The following TMBIM4 variants were observed in gnomAD, a reference collection of about 807,000 sequenced individuals.
TMBIM4 encodes the protein protein lifeguard 4.
Under a neutral mutation model 27.7 loss-of-function variants are expected in TMBIM4, and 28 were observed. The observed-to-expected ratio is 1.01, with a 90% CI of 0.75 to 1.38. The LOEUF (loss-of-function observed/expected upper bound fraction) is 1.38. Ranked by LOEUF, TMBIM4 falls within the 40% of genes most tolerant of loss-of-function variation. The pLI is 0.00. For missense variants in TMBIM4, 265 were observed against 277.5 expected (o/e 0.95, Z 0.32); for synonymous variants, 115 against 113.1 (o/e 1.02, Z -0.11).
rs368043170 is a variant in TMBIM4 at position 66,162,119 on chromosome 12, C to T, written c.97+7736G>A. ...TCTTCTCACTATAATGTATGGCATG[C>T]CATTCCCACCTTTCCATGCCTCATC... On this transcript the variant is annotated intron_variant, in intron 1 of 6. Coordinates refer to ENST00000358230, the MANE Select transcript of TMBIM4 (RefSeq NM_016056.4). 8.5e-5 allele frequency among the ~76,000 whole-genome samples: 13 copies of T among 152,118 alleles called. No individual in the cohort carries two copies. In the East Asian group the frequency reaches 1.2e-3, roughly 14 times the overall value.
chr12:66,163,279 T>C (rs1018258003), intron 1 of TMBIM4, among the ~76,000 whole-genome samples: 86 of 152,184 alleles, frequency 5.7e-4, no homozygotes, highest in Non-Finnish European at 1.5e-4. Flanking sequence ...TCCTATTTCT[T>C]GCAGTACTAG....
intron 3 of TMBIM4, among the ~76,000 whole-genome samples, chr12:66,149,426 CAGAG>C (rs1345340601): frequency 1.7e-5 from 2 of 116,780 alleles, no homozygotes; most frequent in Admixed American, 2.3e-4. Flanking sequence ...GCCTGGGTGA[CAGAG>C]AGAGACCCTG....
intron 1 of TMBIM4, among the ~76,000 whole-genome samples, chr12:66,154,399 C>T (rs1191495425): frequency 6.6e-6 from 1 of 152,202 alleles, no homozygotes; most frequent in African/African-American, 2.4e-5. Context: ...CATTTCCTTA[C>T]CCCCACCACT....
At chr12:66,138,685 A>C in intron 6 of TMBIM4, 39 bp downstream of exon 6, 1 of 1,471,136 alleles carries the variant, frequency 6.8e-7, no homozygotes, top group South Asian at 1.3e-5. Context: ...TGACACAGCC[A>C]GAATTATATT....
rs1007978677 is a variant in TMBIM4, at chr12:66,137,229, G to A, written c.*731C>T. ...CAAAAAGAGATTTACAGTTTATAAT[G>A]GTAAAGACTCTACTACTTCAGAATC... On this transcript the variant is annotated 3_prime_UTR_variant, in exon 7 of 7. Coordinates refer to ENST00000358230, the MANE Select transcript of TMBIM4 (RefSeq NM_016056.4). 3 of 151,758 alleles carry A rather than the reference G, an allele frequency of 2.0e-5. No individual in the cohort carries two copies. Among genetic ancestry groups the A allele is most frequent in the African/African-American group, 7.3e-5 (3 of 41,286 alleles). The allele number at this position is 151,758 out of a possible 1,614,324, so 9.4% of individuals were successfully genotyped here.
chr12:66,152,433 T>A, intron 2 of TMBIM4, 57 bp from the exon 3 acceptor site: 7 of 1,166,268 alleles, frequency 6.0e-6, no homozygotes, highest in Non-Finnish European at 8.5e-6. Context: ...TGAGCAGTAT[T>A]ATCAAATTTA....
chr12:66,168,589 C>T (rs2052175240), intron 1 of TMBIM4, among the ~76,000 whole-genome samples: 2 of 152,070 alleles, frequency 1.3e-5, no homozygotes, highest in South Asian at 4.1e-4. Context: ...GAGTTTCAGC[C>T]AAAGATGGCC....
At chr12:66,166,015 T>G (rs1247654938) in intron 1 of TMBIM4, among the ~76,000 whole-genome samples, 1 of 152,226 alleles carries the variant, frequency 6.6e-6, no homozygotes, top group Admixed American at 6.5e-5. Context: ...TCCTATGTTT[T>G]TATCTAAGAG....
intron 1 of TMBIM4, among the ~76,000 whole-genome samples, chr12:66,165,157 T>C (rs146154555): frequency 1.3e-5 from 2 of 152,164 alleles, no homozygotes; most frequent in Non-Finnish European, 2.9e-5. Context: ...GTAGATTTAA[T>C]GCAATCCCTA....
At position 66,138,170 on chromosome 12, in the gene TMBIM4, T is replaced by C. The variant is rs1323324184; in HGVS notation, c.511-4A>G. ...TTATCTCACTATAAAAAAAAAACTA[T>C]AGGGAAGAGATTAAAGAAATATGTT... On this transcript the variant is annotated splice_polypyrimidine_tract_variant and splice_region_variant and intron_variant, in intron 6 of 6. Transcript: ENST00000358230. 3 of 1,604,576 alleles carry C rather than the reference T, an allele frequency of 1.9e-6. No homozygotes were observed. The highest frequency in any genetic ancestry group is 1.3e-5 in the African/African-American group (1 of 74,116).
chr12:66,155,933 T>C (rs866435732), intron 1 of TMBIM4, among the ~76,000 whole-genome samples: 3 of 152,340 alleles, frequency 2.0e-5, no homozygotes, highest in Middle Eastern at 6.8e-3. Context: ...ATTTTTTAGA[T>C]ACCAGCAGTA....
intron 1 of TMBIM4, among the ~76,000 whole-genome samples, chr12:66,158,618 C>G (rs1049881110): frequency 2.0e-5 from 3 of 151,190 alleles, no homozygotes; most frequent in African/African-American, 7.3e-5. Context: ...TGCACTGCAG[C>G]CTGGTGACAG....
chr12:66,141,254 T>G (rs2051663650), intron 5 of TMBIM4, among the ~76,000 whole-genome samples: 1 of 152,100 alleles, frequency 6.6e-6, no homozygotes, highest in South Asian at 2.1e-4. Context: ...ATATAATTTT[T>G]AGTGCAAAAA....
chr12:66,164,271 G>GA lies in TMBIM4; in HGVS notation c.97+5583dup, dbSNP rs982763208. 3.3e-5 allele frequency among the ~76,000 whole-genome samples: 5 copies of GA among 152,098 alleles called. No individual in the cohort carries two copies. The South Asian group carries it at 6.2e-4, about 19-fold the overall frequency. On this transcript the variant is annotated intron_variant, in intron 1 of 6. Coordinates refer to ENST00000358230, the MANE Select transcript of TMBIM4 (RefSeq NM_016056.4). ...AGAGGCTGGCAAATCCATTTTCTTA[G>GA]AAAAAAACATTTAATAGGGACATAA...
At chr12:66,164,364 C>T (rs920406489) in intron 1 of TMBIM4, among the ~76,000 whole-genome samples, 2 of 152,188 alleles carry the variant, frequency 1.3e-5, no homozygotes, top group Non-Finnish European at 2.9e-5. Context: ...GGCCATAAAT[C>T]CCCTGACCTA....
chr12:66,144,097 C>G (rs942596410), intron 5 of TMBIM4, among the ~76,000 whole-genome samples: 5 of 152,048 alleles, frequency 3.3e-5, no homozygotes, highest in Non-Finnish European at 5.9e-5. Context: ...ATACTGTAAT[C>G]AAGTTTCCAT....
intron 3 of TMBIM4, among the ~76,000 whole-genome samples, chr12:66,148,643 A>T (rs1211310976): frequency 5.9e-5 from 9 of 152,198 alleles, no homozygotes; most frequent in Admixed American, 5.2e-4. Flanking sequence ...GATCTATCAT[A>T]TACCACTCTA....
chr12:66,161,409 T>G (rs2052038924), intron 1 of TMBIM4, among the ~76,000 whole-genome samples: 1 of 152,130 alleles, frequency 6.6e-6, no homozygotes, highest in South Asian at 2.1e-4. Flanking sequence ...CCTGGCTGAT[T>G]TTTTGTATTT....
At chr12:66,138,358 G>A in intron 6 of TMBIM4, 192 bp from the exon 7 acceptor site, 1 of 793,788 alleles carries the variant, frequency 1.3e-6, no homozygotes, top group Non-Finnish European at 1.5e-6. Context: ...GGATGAATGA[G>A]TGGTTATATT....
Sources: gnomAD v4.1 joint callset for allele counts (sites outside exome capture counted in the v4.1 genomes callset) on GRCh38, gnomAD v4.1.1 for gene constraint, MANE v1.5 for transcripts, NCBI Gene and HGNC (gene_info 2026-07-23, HGNC 2026-07-21) for gene names.